Variants in PAK3 observed in about 807,000 individuals in gnomAD.
PAK3 encodes the protein p21 (RAC1) activated kinase 3, also known as serine/threonine-protein kinase PAK 3.
PAK3 carries 4 observed loss-of-function variants against 41.0 expected under a neutral mutation model. The ratio of observed to expected loss-of-function variants is 0.10; its 90% CI spans 0.05 to 0.22. The LOEUF (loss-of-function observed/expected upper bound fraction) is 0.22. Among genes scored for constraint, PAK3 ranks in the 10% least tolerant of loss-of-function variants. PAK3 has a pLI of 1.00. For synonymous variants in PAK3, 146 were observed against 139.6 expected (o/e 1.05, Z -0.32); for missense variants, 205 against 409.9 (o/e 0.50, Z 4.32).
chrX:111,200,595 A>G (rs1045431557), intron 16 of PAK3, among the ~76,000 whole-genome samples: 1 of 112,271 alleles, frequency 8.9e-6, no homozygotes, highest in Admixed American at 9.4e-5. Flanking sequence ...GGTCCAGCGC[A>G]TCAGGATAAT....
At chrX:110,972,898 C>A in intron 1 of PAK3, among the ~76,000 whole-genome samples, 1 of 111,564 alleles carries the variant, frequency 9.0e-6, no homozygotes, top group Non-Finnish European at 1.9e-5. Context: ...AATCATGGCA[C>A]AAGAACTTCG....
intron 4 of PAK3, among the ~76,000 whole-genome samples, chrX:111,119,940 G>A (rs2093539378): frequency 8.9e-6 from 1 of 112,219 alleles, no homozygotes; most frequent in Non-Finnish European, 1.9e-5. Flanking sequence ...GGAATCATTA[G>A]CAGAGGATGA....
intron 4 of PAK3, among the ~76,000 whole-genome samples, chrX:111,114,224 T>C (rs751581406): frequency 9.8e-5 from 11 of 112,261 alleles, no homozygotes; most frequent in Non-Finnish European, 1.9e-4. Flanking sequence ...ACATTTTACA[T>C]ATAATGTGTG....
Position 111,001,336 on chromosome X carries a change from T to C in PAK3, c.-28+56708T>C, listed in dbSNP as rs183103528. ...GAAGTAAAATCGCTGAAGTCTAGAA[T>C]CACTGTCCAATTTCTGGTGAGTAAA... On this transcript the variant is annotated intron_variant, in intron 1 of 14. Transcript: ENST00000425146. Among the ~76,000 whole-genome samples, 11 of 112,008 alleles carry C rather than the reference T, an allele frequency of 9.8e-5. No homozygotes were observed. The East Asian group carries it at 3.1e-3, about 32-fold the overall frequency.
intron 16 of PAK3, 43 bp from the exon 17 acceptor site, chrX:111,216,378 T>C (rs755901967): frequency 4.7e-6 from 5 of 1,054,468 alleles, no homozygotes; most frequent in Non-Finnish European, 6.6e-6. Context: ...GCCATGATTT[T>C]AATATGTATG....
At chrX:110,971,763 C>A (rs1057365898) in intron 1 of PAK3, among the ~76,000 whole-genome samples, 5 of 111,922 alleles carry the variant, frequency 4.5e-5, no homozygotes, top group African/African-American at 1.3e-4. Flanking sequence ...TTCAAGATCA[C>A]TAAAATTCAC....
At chrX:111,021,209 C>T (rs1381019721) in intron 1 of PAK3, among the ~76,000 whole-genome samples, 2 of 112,080 alleles carry the variant, frequency 1.8e-5, no homozygotes, top group African/African-American at 6.5e-5. Flanking sequence ...AAAGGGTTAC[C>T]TCCTGGCTGG....
At chrX:111,070,948 G>A (rs1223056192) in intron 1 of PAK3, among the ~76,000 whole-genome samples, 2 of 112,068 alleles carry the variant, frequency 1.8e-5, no homozygotes, top group Non-Finnish European at 3.8e-5. Context: ...ATAATTGAGG[G>A]CAGATATGAC....
At chrX:110,981,716 C>T (rs1345729059) in intron 1 of PAK3, among the ~76,000 whole-genome samples, 1 of 111,714 alleles carries the variant, frequency 9.0e-6, no homozygotes, top group Non-Finnish European at 1.9e-5. Flanking sequence ...CTGGCCAACA[C>T]CTTGATTTCA....
intron 1 of PAK3, among the ~76,000 whole-genome samples, chrX:111,041,810 C>T (rs2092455115): frequency 9.0e-6 from 1 of 111,387 alleles, no homozygotes; most frequent in Non-Finnish European, 1.9e-5. Flanking sequence ...TTGGACCACC[C>T]CAACTCAGTG....
intron 1 of PAK3, among the ~76,000 whole-genome samples, chrX:110,983,773 G>T (rs772834061): frequency 9.0e-6 from 1 of 111,157 alleles, no homozygotes; most frequent in South Asian, 3.9e-4. Flanking sequence ...GGCAGCTGGA[G>T]TTGATACAAG....
intron 1 of PAK3, among the ~76,000 whole-genome samples, chrX:111,016,434 G>A (rs2092090753): frequency 9.0e-6 from 1 of 111,368 alleles, no homozygotes; most frequent in Non-Finnish European, 1.9e-5. Flanking sequence ...TGGGATAACT[G>A]AATGGAAATA....
rs2094940919 is a variant in PAK3, at chrX:111,224,032, G to A, written c.*3585G>A. On this transcript the variant is annotated 3_prime_UTR_variant, in exon 18 of 18. Coordinates refer to ENST00000372007, the MANE Select transcript of PAK3 (RefSeq NM_002578.5). ...GGAACTATAGACACATAGAAAAGAT[G>A]CCAGAAGCAGATGCCTTCTGGCCAG... 1 of 111,811 alleles carries A rather than the reference G, an allele frequency of 8.9e-6. No homozygotes were observed. Among genetic ancestry groups the A allele is most frequent in the Non-Finnish European group, 1.9e-5 (1 of 53,139 alleles). 9.2% of individuals were successfully genotyped at this position (111,811 alleles called of 1,213,427 possible).
At chrX:111,101,732 G>A (rs966425998) in intron 3 of PAK3, among the ~76,000 whole-genome samples, 5 of 111,896 alleles carry the variant, frequency 4.5e-5, no homozygotes, top group Admixed American at 2.8e-4. Context: ...GTGAGCTCAC[G>A]TAGGGAGGGA....
intron 4 of PAK3, among the ~76,000 whole-genome samples, chrX:111,112,338 C>T (rs775578036): frequency 9.1e-6 from 1 of 110,155 alleles, no homozygotes; most frequent in South Asian, 4.0e-4. Flanking sequence ...ACTGTACTTC[C>T]CCTGTGAAGC....
intron 1 of PAK3, among the ~76,000 whole-genome samples, chrX:111,097,183 C>T (rs2093019305): frequency 9.4e-6 from 1 of 105,992 alleles, no homozygotes; most frequent in African/African-American, 3.5e-5. Context: ...ACATTGCCCT[C>T]AGTTTGTGAA....
chrX:111,108,877 A>G (rs151273897), intron 4 of PAK3, among the ~76,000 whole-genome samples: 4,650 of 112,085 alleles, frequency 0.041, 135 homozygotes, highest in African/African-American at 0.091. Flanking sequence ...ATTCAGTGAG[A>G]AGCACTGAGA....
intron 16 of PAK3, among the ~76,000 whole-genome samples, chrX:111,204,816 T>C (rs1360941573): frequency 9.1e-6 from 1 of 109,909 alleles, no homozygotes; most frequent in Non-Finnish European, 1.9e-5. Flanking sequence ...CTGACCTTTC[T>C]GTTGTAGCTT....
intron 5 of PAK3, among the ~76,000 whole-genome samples, chrX:111,133,145 A>G (rs766483967): frequency 1.3e-4 from 15 of 111,544 alleles, no homozygotes. Flanking sequence ...TTCTCAGCAT[A>G]TTTTGTATTA....
Sources: gnomAD v4.1 joint callset for allele counts (sites outside exome capture counted in the v4.1 genomes callset) on GRCh38, gnomAD v4.1.1 for gene constraint, MANE v1.5 for transcripts, NCBI Gene and HGNC (gene_info 2026-07-23, HGNC 2026-07-21) for gene names.